ISOC1: variants seen among roughly 807,000 people sequenced by gnomAD.
The protein encoded by ISOC1 is isochorismatase domain-containing protein 1.
A neutral mutation model predicts 30.0 loss-of-function variants in ISOC1; 33 were observed. The observed-to-expected ratio is 1.10, with a 90% CI of 0.83 to 1.47. The LOEUF (loss-of-function observed/expected upper bound fraction) is 1.47. Among genes scored for constraint, ISOC1 ranks in the 40% most tolerant of loss-of-function variants. ISOC1 has a pLI of 0.00. For missense variants in ISOC1, 372 were observed against 388.0 expected (o/e 0.96, Z 0.35); for synonymous variants, 178 against 159.8 (o/e 1.11, Z -0.86).
chr5:129,105,163 G>A (rs1580788346), intron 2 of ISOC1, 22 bp from the exon 3 acceptor site: 1 of 1,612,730 alleles, frequency 6.2e-7, no homozygotes, highest in Non-Finnish European at 8.5e-7. Context: ...AATTGTTTTT[G>A]TGTTTGGTTA....
rs1466208720 is a variant in ISOC1, at chr5:129,113,281, C to T, written c.*280C>T. On this transcript the variant is annotated 3_prime_UTR_variant, in exon 5 of 5. Transcript: ENST00000173527. Reference sequence around the variant, plus strand: ...AATGAAGATGCCTGTTTTGTCTCTACTGTGTACTCTGATCGTATCTTTCCA... The same window carrying T: ...AATGAAGATGCCTGTTTTGTCTCTATTGTGTACTCTGATCGTATCTTTCCA... 3.8e-6 allele frequency: 1 copy of T among 260,798 alleles called. No individual in the cohort carries two copies. The highest frequency in any genetic ancestry group is 7.3e-6 in the Non-Finnish European group (1 of 137,194). 16.2% of individuals were successfully genotyped at this position (260,798 alleles called of 1,614,324 possible).
intron 1 of ISOC1, among the ~76,000 whole-genome samples, chr5:129,102,621 G>A (rs1397410806): frequency 6.6e-6 from 1 of 152,166 alleles, no homozygotes; most frequent in South Asian, 2.1e-4. Context: ...TAATTTAACA[G>A]TTTTCTTAAT....
At position 129,094,814 on chromosome 5, in the gene ISOC1, C is replaced by T. The variant is rs750237863; in HGVS notation, c.48C>T (p.Ala16=). The T allele has an allele frequency of 4.0e-5, 61 of 1,538,056 alleles. No individual in the cohort carries two copies. The highest frequency in any genetic ancestry group is 2.0e-4 in the Admixed American group (10 of 50,502). ...TCCTTGCGCTCCCCAACAGCGGCGC[C>T]GGGGGCGCGGGGGCGCCGTCGGGCA... ...PAVLALPNSG[A]GGAGAPSGTV... is the part of the protein sequence containing the mutation. Residue 16 remains alanine (A), a synonymous_variant, in exon 1 of 5, where the codon GCC becomes GCT. Coordinates refer to ENST00000173527, the MANE Select transcript of ISOC1 (RefSeq NM_016048.2).
intron 3 of ISOC1, among the ~76,000 whole-genome samples, 191 bp downstream of exon 3, chr5:129,105,579 A>C (rs544733521): frequency 1.5e-4 from 23 of 152,298 alleles, no homozygotes; most frequent in Admixed American, 1.4e-3. Flanking sequence ...TAAGTCCCTT[A>C]AGCCAAGTAA....
At chr5:129,103,963 G>A (rs770853994) in intron 1 of ISOC1, among the ~76,000 whole-genome samples, 3 of 152,134 alleles carry the variant, frequency 2.0e-5, no homozygotes, top group Non-Finnish European at 4.4e-5. Context: ...TCCAGTGAGA[G>A]TAAATTCTCA....
rs1753615812 is a variant in ISOC1 at position 129,104,855 on chromosome 5, G to T, written c.310-101G>T. The T allele has an allele frequency of 7.8e-6, 9 of 1,157,484 alleles. No homozygotes were observed. The South Asian group carries it at 1.2e-4, about 15-fold the overall frequency. The allele number at this position is 1,157,484 out of a possible 1,614,324, so 71.7% of individuals were successfully genotyped here. A position where few individuals can be genotyped will look rare whatever the true frequency, so the allele number is the denominator to read the frequency against. On this transcript the variant is annotated intron_variant, in intron 1 of 4. Coordinates refer to ENST00000173527, the MANE Select transcript of ISOC1 (RefSeq NM_016048.2). ...AATAGCGGTAGAAATTGACTTACTG[G>T]CTCAAACAATAGGACCATTTTTCTT... is the stretch of plus-strand genomic sequence containing the variant.
chr5:129,107,631 T>C (rs1177876420), intron 4 of ISOC1, among the ~76,000 whole-genome samples: 5 of 152,254 alleles, frequency 3.3e-5, no homozygotes, highest in African/African-American at 1.2e-4. Context: ...TGATTTAATG[T>C]ATATAGGATA....
chr5:129,095,100 C>T (rs1392302461), intron 1 of ISOC1, 25 bp downstream of exon 1: 2 of 1,519,662 alleles, frequency 1.3e-6, no homozygotes, highest in South Asian at 2.5e-5. Flanking sequence ...AGGCCGCGCG[C>T]TTCCCTGTTC....
Position 129,112,897 on chromosome 5 carries a change from G to C in ISOC1, c.793G>C (p.Val265Leu). ...GATCATAGTGACCACGAGTGAGGCT[G>C]TTCTGCTTCAGCTGGTAGCTGATAA... ...TGIIVTTSEA[V>L]LLQLVADKDH... Residue 265 changes from valine (V) to leucine (L), a missense_variant, in exon 5 of 5, where the codon GTT becomes CTT. By Grantham distance (32) the Val-to-Leu change is conservative. Transcript: ENST00000173527. The C allele has an allele frequency of 6.2e-7, 1 of 1,613,826 alleles. No individual in the cohort carries two copies. The highest frequency in any genetic ancestry group is 8.5e-7 in the Non-Finnish European group (1 of 1,179,802).
At chr5:129,104,628 T>C (rs1204252078) in intron 1 of ISOC1, among the ~76,000 whole-genome samples, 1 of 152,116 alleles carries the variant, frequency 6.6e-6, no homozygotes, top group Non-Finnish European at 1.5e-5. Context: ...TATTTTTCCA[T>C]GGATGGTATG....
At chr5:129,099,707 T>C (rs1720519682) in intron 1 of ISOC1, among the ~76,000 whole-genome samples, 1 of 152,224 alleles carries the variant, frequency 6.6e-6, no homozygotes, top group Non-Finnish European at 1.5e-5. Context: ...ATTGTAAATA[T>C]TTATCCTCAT....
chr5:129,105,389 G>T lies in ISOC1; in HGVS notation c.633+1G>T. 6.2e-7 allele frequency: 1 copy of T among 1,609,454 alleles called. No individual in the cohort carries two copies. Among genetic ancestry groups the T allele is most frequent in the South Asian group, 1.1e-5 (1 of 90,900 alleles). On this transcript the variant is annotated splice_donor_variant, in intron 3 of 4. Transcript: ENST00000173527. LOFTEE classifies it high-confidence loss of function. The stretch of plus-strand genomic sequence containing the variant: ...GAGTGTTGTATTATTTGGAGTAGAA[G>T]TAAGTACCTGTTACTATCATTTAGG...
At chr5:129,111,594 T>C (rs534932537) in intron 4 of ISOC1, among the ~76,000 whole-genome samples, 16 of 152,296 alleles carry the variant, frequency 1.1e-4, no homozygotes, top group Admixed American at 7.2e-4. Flanking sequence ...TTTTTACATA[T>C]ATGCTTTTTG....
In ISOC1 at chr5:129,095,088, G is replaced by A; in HGVS notation, c.309+13G>A. On this transcript the variant is annotated intron_variant, in intron 1 of 4. Transcript: ENST00000173527. ...GTTGCAGATCCAGGTGGGTCCTGCG[G>A]GAGGCCGCGCGCTTCCCTGTTCCCG... 6.5e-7 allele frequency: 1 copy of A among 1,536,724 alleles called. No individual in the cohort carries two copies. The highest frequency in any genetic ancestry group is 1.4e-5 in the African/African-American group (1 of 72,394).
At chr5:129,098,546 C>A (rs1213070963) in intron 1 of ISOC1, among the ~76,000 whole-genome samples, 1 of 152,102 alleles carries the variant, frequency 6.6e-6, no homozygotes, top group African/African-American at 2.4e-5. Context: ...TGGAAATTTA[C>A]ATAAATGTTG....
At chr5:129,098,979 G>C (rs569156978) in intron 1 of ISOC1, among the ~76,000 whole-genome samples, 1 of 151,828 alleles carries the variant, frequency 6.6e-6, no homozygotes, top group Non-Finnish European at 1.5e-5. Flanking sequence ...CCTCAGGAGC[G>C]TGGCAGGAAG....
intron 1 of ISOC1, among the ~76,000 whole-genome samples, chr5:129,101,906 C>G (rs1753576084): frequency 6.6e-6 from 1 of 152,038 alleles, no homozygotes; most frequent in South Asian, 2.1e-4. Flanking sequence ...GTAGAATGTC[C>G]CTCAATTTTG....
intron 1 of ISOC1, among the ~76,000 whole-genome samples, chr5:129,101,587 C>T (rs1001217385): frequency 4.6e-5 from 7 of 152,102 alleles, no homozygotes; most frequent in African/African-American, 1.4e-4. Context: ...CCTTGGCCTC[C>T]GAAGTGCTGG....
chr5:129,104,869 A>G (rs957405581), intron 1 of ISOC1, 87 bp from the exon 2 acceptor site: 121 of 1,342,960 alleles, frequency 9.0e-5, no homozygotes, highest in Non-Finnish European at 1.2e-4. Flanking sequence ...AAACAATAGG[A>G]CCATTTTTCT....
Sources: gnomAD v4.1 joint callset for allele counts (sites outside exome capture counted in the v4.1 genomes callset) on GRCh38, gnomAD v4.1.1 for gene constraint, MANE v1.5 for transcripts, NCBI Gene and HGNC (gene_info 2026-07-23, HGNC 2026-07-21) for gene names.